The following PCDHGA3 variants were observed in gnomAD, a reference collection of about 807,000 sequenced individuals.
PCDHGA3 encodes protocadherin gamma-A3.
Under a neutral mutation model 58.5 loss-of-function variants are expected in PCDHGA3, and 40 were observed. The ratio of observed to expected loss-of-function variants is 0.68; its 90% CI spans 0.53 to 0.89. PCDHGA3 has a LOEUF of 0.89. Ranked by LOEUF, PCDHGA3 falls within the 40% of genes least tolerant of loss-of-function variation. The pLI, the probability that PCDHGA3 is intolerant of heterozygous loss-of-function variation, is 0.00. For missense variants in PCDHGA3, 1,223 were observed against 1,195.9 expected, an observed-to-expected ratio of 1.02 and a Z score of -0.33; for synonymous variants, 530 against 525.7, an observed-to-expected ratio of 1.01 and a Z score of -0.11.
intron 1 of PCDHGA3, among the ~76,000 whole-genome samples, chr5:141,456,866 G>A (rs2098893781): frequency 6.6e-6 from 1 of 152,170 alleles, no homozygotes; most frequent in African/African-American, 2.4e-5. Flanking sequence ...GGGAGGCTGA[G>A]GCAGGAGAAT....
chr5:141,366,300 C>T (rs761287216), intron 1 of PCDHGA3: 8 of 1,613,654 alleles, frequency 5.0e-6, no homozygotes, highest in Non-Finnish European at 6.8e-6. Flanking sequence ...CTGTCAGCCA[C>T]CTTCACGGTC....
In PCDHGA3 at chr5:141,495,049, T is replaced by G. The variant is rs543734863; in HGVS notation, c.2483+184T>G. ...CCCCGGAAGGAAGAGGCGACTGCCC[T>G]GACTGTTCAGGAAGCTCAATTCACA... On this transcript the variant is annotated intron_variant, in intron 2 of 3. Coordinates refer to ENST00000253812, the MANE Select transcript of PCDHGA3 (RefSeq NM_018916.4). Among the ~76,000 whole-genome samples the G allele has an allele frequency of 5.6e-4, 86 of 152,312 alleles. 1 individual carries two copies. Among genetic ancestry groups the G allele is most frequent in the African/African-American group, 1.6e-3 (65 of 41,578 alleles).
chr5:141,362,316 T>G (rs1561526440), intron 1 of PCDHGA3: 1 of 1,614,050 alleles, frequency 6.2e-7, no homozygotes, highest in South Asian at 1.1e-5. Context: ...GGGACTGTTT[T>G]CAGCCTGGTC....
At chr5:141,355,219 C>G (rs768131751) in intron 1 of PCDHGA3, 1 of 1,605,766 alleles carries the variant, frequency 6.2e-7, no homozygotes, top group Middle Eastern at 2.0e-4. Context: ...GCCTCCTGCT[C>G]GCCCAGACCA....
At chr5:141,409,870 T>A (rs980871481) in intron 1 of PCDHGA3, 2 of 1,612,670 alleles carry the variant, frequency 1.2e-6, no homozygotes, top group Admixed American at 1.7e-5. Context: ...GAGACCGCAA[T>A]GACAACGCAC....
chr5:141,410,719 A>G, intron 1 of PCDHGA3: 3 of 1,407,980 alleles, frequency 2.1e-6, no homozygotes, highest in Non-Finnish European at 2.9e-6. Context: ...TCATATGTTT[A>G]AAATCCATAG....
intron 1 of PCDHGA3, among the ~76,000 whole-genome samples, chr5:141,349,567 G>C (rs990181997): frequency 6.6e-6 from 1 of 151,960 alleles, no homozygotes; most frequent in African/African-American, 2.4e-5. Flanking sequence ...TAATAGTAAG[G>C]CTGTGATTTC....
At chr5:141,421,587 G>T (rs758433133) in intron 1 of PCDHGA3, 6 of 1,613,900 alleles carry the variant, frequency 3.7e-6, no homozygotes, top group Non-Finnish European at 4.2e-6. Flanking sequence ...TTTACGGAGT[G>T]GAGGTGGAAA....
chr5:141,403,969 T>G (rs1437416293), intron 1 of PCDHGA3: 1 of 1,613,690 alleles, frequency 6.2e-7, no homozygotes, highest in African/African-American at 1.3e-5. Context: ...CGGTGGAAGA[T>G]GTAAATGACA....
intron 1 of PCDHGA3, chr5:141,423,556 G>A (rs926962652): frequency 2.5e-6 from 4 of 1,613,550 alleles, no homozygotes; most frequent in African/African-American, 2.7e-5. Flanking sequence ...GCCCAACTAT[G>A]GGGACACGCT....
At chr5:141,415,266 G>T in intron 1 of PCDHGA3, 1 of 1,614,218 alleles carries the variant, frequency 6.2e-7, no homozygotes, top group Non-Finnish European at 8.5e-7. Flanking sequence ...CTCTGTACCT[G>T]GTGGTAGCGG....
rs2097456240 is a variant in PCDHGA3, at chr5:141,432,134, G to T, written c.2425-62673G>T. 3 of 1,613,756 alleles carry T rather than the reference G, an allele frequency of 1.9e-6. No individual in the cohort carries two copies. The highest frequency in any genetic ancestry group is 1.3e-5 in the African/African-American group (1 of 74,800). On this transcript the variant is annotated intron_variant, in intron 1 of 3. Coordinates refer to ENST00000253812, the MANE Select transcript of PCDHGA3 (RefSeq NM_018916.4). This position sits in a 1 kb window ranked among gnomAD's most constrained non-coding sequence, Gnocchi z 6.0. The stretch of plus-strand genomic sequence containing the variant: ...GGTCTTCCCTCAGGCCTCCTATTCC[G>T]CTTATATCCCAGAGAACAATCCCAG...
chr5:141,494,898 T>C, intron 2 of PCDHGA3, 33 bp downstream of exon 2: 1 of 1,614,074 alleles, frequency 6.2e-7, no homozygotes, highest in Non-Finnish European at 8.5e-7. Flanking sequence ...CACCCTCTTC[T>C]CTGCGGCATT....
intron 1 of PCDHGA3, chr5:141,419,588 A>C: frequency 6.2e-7 from 1 of 1,611,830 alleles, no homozygotes; most frequent in Non-Finnish European, 8.5e-7. Flanking sequence ...GCTCTTCGAC[A>C]CAGTGCCGCG....
At position 141,414,543 on chromosome 5, in the gene PCDHGA3, C is replaced by T. The variant is rs369387885; in HGVS notation, c.2424+68086C>T. The T allele has an allele frequency of 5.0e-6, 8 of 1,613,880 alleles. No individual in the cohort carries two copies. The African/African-American group carries it at 1.1e-4, about 22-fold the overall frequency. ...ATATCAATGACAACCCACCTACCTT[C>T]TCTCAAGTCTCCTACTTTACCTATA... On this transcript the variant is annotated intron_variant, in intron 1 of 3. Transcript: ENST00000253812.
In PCDHGA3 at chr5:141,430,200, T is replaced by G. The variant is rs182960813; in HGVS notation, c.2425-64607T>G. Among the ~76,000 whole-genome samples the G allele has an allele frequency of 8.2e-4, 124 of 152,052 alleles. 2 individuals are homozygous for G. Among genetic ancestry groups the G allele is most frequent in the African/African-American group, 2.9e-3 (119 of 41,468 alleles). ...CCCAAATTATAGCTGAATCAGAAAG[T>G]TTAAATTATTATATTATATGATTTG... On this transcript the variant is annotated intron_variant, in intron 1 of 3. Transcript: ENST00000253812.
intron 1 of PCDHGA3, chr5:141,422,676 A>C (rs1245488589): frequency 6.2e-7 from 1 of 1,606,500 alleles, no homozygotes; most frequent in Admixed American, 1.7e-5. Flanking sequence ...CGGACAGCAA[A>C]CAGAATGCCC....
intron 1 of PCDHGA3, among the ~76,000 whole-genome samples, chr5:141,450,696 A>G (rs943551061): frequency 1.3e-5 from 2 of 152,164 alleles, no homozygotes; most frequent in East Asian, 3.9e-4. Flanking sequence ...CATGTTGCCC[A>G]GGATGGTCTC....
chr5:141,393,098 C>G (rs1172367083), intron 1 of PCDHGA3: 1 of 1,613,610 alleles, frequency 6.2e-7, no homozygotes, highest in African/African-American at 1.3e-5. Flanking sequence ...GGGAGGAGCT[C>G]TGCGCTCAGA....
Sources: allele counts gnomAD v4.1 joint callset (sites outside exome capture counted in the v4.1 genomes callset), GRCh38; gene constraint gnomAD v4.1.1; non-coding constraint Gnocchi (gnomAD v3.1); transcripts MANE v1.5; gene names NCBI Gene and HGNC (gene_info 2026-07-23, HGNC 2026-07-21).